The following PRR16 variants were observed in gnomAD, a reference collection of about 807,000 sequenced individuals.
The protein encoded by PRR16 is protein Largen.
In PRR16, 6 loss-of-function variants were observed where a neutral mutation model predicts 18.2. The ratio of observed to expected loss-of-function variants is 0.33; its 90% CI spans 0.18 to 0.65. The LOEUF (loss-of-function observed/expected upper bound fraction) is 0.65, where lower values mean the gene tolerates loss of function less well. PRR16 is among the 30% of genes least tolerant of loss of function. PRR16 has a pLI of 0.74. For synonymous variants in PRR16, 151 were observed against 147.8 expected, an observed-to-expected ratio of 1.02 and a Z score of -0.16; for missense variants, 412 against 376.6, an observed-to-expected ratio of 1.09 and a Z score of -0.78.
chr5:120,729,640 T>C, the PRR16 span, among the ~76,000 whole-genome samples: 1 of 152,164 alleles, frequency 6.6e-6, no homozygotes. Context: ...CATGGATGTT[T>C]GACTAAATAA....
chr5:120,671,729 T>C (rs555757992), intron 1 of PRR16, among the ~76,000 whole-genome samples: 20 of 152,296 alleles, frequency 1.3e-4, no homozygotes, highest in Admixed American at 1.0e-3. Flanking sequence ...ATAAGTGTAA[T>C]ACTGTATATT....
chr5:120,615,504 T>C lies in PRR16; in HGVS notation c.160-70450T>C, dbSNP rs561728880. On this transcript the variant is annotated intron_variant, in intron 1 of 1. Transcript: ENST00000407149. ...AAATAGTGTTTGCCATTTTTTGCTTTTCTGCTTCAGCATTATAATTTTATG... is the reference window on the plus strand; with the variant it reads ...AAATAGTGTTTGCCATTTTTTGCTTCTCTGCTTCAGCATTATAATTTTATG... 3.3e-5 allele frequency among the ~76,000 whole-genome samples: 5 copies of C among 151,802 alleles called. No individual in the cohort carries two copies. In the South Asian group the frequency reaches 1.0e-3, roughly 32 times the overall value.
At chr5:120,677,393 A>G (rs1004427082) in intron 1 of PRR16, among the ~76,000 whole-genome samples, 7 of 152,154 alleles carry the variant, frequency 4.6e-5, no homozygotes, top group Non-Finnish European at 2.9e-5. Flanking sequence ...TGTGTTGGAC[A>G]CAGTTCTTTT....
intron 1 of PRR16, among the ~76,000 whole-genome samples, chr5:120,572,073 T>A (rs1333487236): frequency 2.0e-5 from 3 of 152,192 alleles, no homozygotes; most frequent in African/African-American, 7.2e-5. Context: ...GTGGTAGCTG[T>A]CGGTGTCTTA....
chr5:120,576,146 A>G (rs13171101), intron 1 of PRR16, among the ~76,000 whole-genome samples: 23,230 of 152,194 alleles, frequency 0.15, 2,887 homozygotes, highest in East Asian at 0.62. Context: ...TCAAAAGCAC[A>G]GGCAACAAAA....
chr5:120,636,715 G>A (rs1755239243), intron 1 of PRR16, among the ~76,000 whole-genome samples: 1 of 152,098 alleles, frequency 6.6e-6, no homozygotes, highest in African/African-American at 2.4e-5. Context: ...TCTAGTCATT[G>A]ACTTCGGCAA....
chr5:120,783,671 G>A, the PRR16 span, among the ~76,000 whole-genome samples: 2 of 151,920 alleles, frequency 1.3e-5, no homozygotes, highest in African/African-American at 4.8e-5. Context: ...TCAAATTAGG[G>A]TATCTGGACA....
chr5:120,525,002 T>C (rs945953290), intron 1 of PRR16, among the ~76,000 whole-genome samples: 3 of 152,084 alleles, frequency 2.0e-5, no homozygotes, highest in Admixed American at 6.6e-5. Context: ...TTTCTTATAG[T>C]AGGTCTTTCA....
intron 1 of PRR16, among the ~76,000 whole-genome samples, chr5:120,683,653 T>C (rs1286218460): frequency 6.6e-6 from 1 of 152,182 alleles, no homozygotes; most frequent in Non-Finnish European, 1.5e-5. Context: ...ACTTTTTAAT[T>C]GTATGCTACT....
intron 1 of PRR16, among the ~76,000 whole-genome samples, chr5:120,558,953 T>C (rs992825757): frequency 6.6e-6 from 1 of 152,074 alleles, no homozygotes. Flanking sequence ...TTTTGAGAAA[T>C]ATCTATTTAA....
the PRR16 span, among the ~76,000 whole-genome samples, chr5:120,747,942 A>G: frequency 6.6e-6 from 1 of 152,088 alleles, no homozygotes; most frequent in East Asian, 1.9e-4. Flanking sequence ...GATTCCCCAC[A>G]TTTTAGAATT....
At chr5:120,694,301 A>C in the PRR16 span, among the ~76,000 whole-genome samples, 1 of 152,228 alleles carries the variant, frequency 6.6e-6, no homozygotes. Flanking sequence ...GGTAAGCCTA[A>C]TAATTCTCTT....
chr5:120,756,861 C>A, the PRR16 span, among the ~76,000 whole-genome samples: 1 of 151,982 alleles, frequency 6.6e-6, no homozygotes, highest in South Asian at 2.1e-4. Flanking sequence ...AGTATAAATT[C>A]TTTCCCAAGG....
At chr5:120,770,182 C>T in the PRR16 span, among the ~76,000 whole-genome samples, 39 of 151,988 alleles carry the variant, frequency 2.6e-4, 1 homozygote, top group South Asian at 5.6e-3. Flanking sequence ...ATCCCACTTC[C>T]GGATTTCAAA....
At chr5:120,732,099 C>A in the PRR16 span, among the ~76,000 whole-genome samples, 8 of 152,214 alleles carry the variant, frequency 5.3e-5, no homozygotes, top group East Asian at 1.5e-3. Context: ...ATTTGGATGG[C>A]CAATCATCAT....
chr5:120,599,116 CTTTTTTTCTGA>C (rs1180499676), intron 1 of PRR16, among the ~76,000 whole-genome samples: 1 of 151,488 alleles, frequency 6.6e-6, no homozygotes, highest in Admixed American at 6.6e-5. Flanking sequence ...TGCTTTGCTG[CTTTTTTTCTGA>C]TTTTTTTCTT....
chr5:120,606,631 AGTGGTTCT>A (rs1160639456), intron 1 of PRR16, among the ~76,000 whole-genome samples: 1 of 152,164 alleles, frequency 6.6e-6, no homozygotes, highest in Non-Finnish European at 1.5e-5. Flanking sequence ...AGCTGAGTGC[AGTGGTTCT>A]TGCCTATAAT....
intron 1 of PRR16, among the ~76,000 whole-genome samples, chr5:120,552,385 A>C (rs951641092): frequency 5.9e-5 from 9 of 151,960 alleles, no homozygotes; most frequent in Non-Finnish European, 8.8e-5. Flanking sequence ...ATGGAGTCAA[A>C]ACAATAAGGT....
intron 1 of PRR16, among the ~76,000 whole-genome samples, chr5:120,563,899 C>T (rs1359631273): frequency 6.6e-6 from 1 of 152,172 alleles, no homozygotes; most frequent in East Asian, 1.9e-4. Context: ...GAGCCCAAAG[C>T]ACATGGCATA....
Sources: allele counts gnomAD v4.1 joint callset (sites outside exome capture counted in the v4.1 genomes callset), GRCh38; gene constraint gnomAD v4.1.1; transcripts MANE v1.5; gene names NCBI Gene and HGNC (gene_info 2026-07-23, HGNC 2026-07-21).